The following THAP12 variants were observed in gnomAD, a reference collection of about 807,000 sequenced individuals.
THAP12 encodes THAP domain containing 12.
THAP12 carries 20 observed loss-of-function variants against 63.0 expected under a neutral mutation model. The ratio of observed to expected loss-of-function variants is 0.32; its 90% CI spans 0.22 to 0.46. The LOEUF (loss-of-function observed/expected upper bound fraction) is 0.46. Ranked by LOEUF, THAP12 falls within the 20% of genes least tolerant of loss-of-function variation. The pLI, the probability that THAP12 is intolerant of heterozygous loss-of-function variation, is 1.00. For synonymous variants in THAP12, 264 were observed against 328.4 expected (o/e 0.80, Z 2.12); for missense variants, 568 against 908.2 (o/e 0.63, Z 4.81).
rs1946754094 is a variant in THAP12 at position 76,380,916 on chromosome 11, G to A, written c.-80C>T. Reference sequence around the variant, plus strand: ...TCCGCCCGCCCGTCGGGGCCGGGGAGGGGAGCCAGGCCGGCCGGCCGGCTC... The same window carrying A: ...TCCGCCCGCCCGTCGGGGCCGGGGAAGGGAGCCAGGCCGGCCGGCCGGCTC... On this transcript the variant is annotated 5_prime_UTR_variant, in exon 1 of 5. Transcript: ENST00000260045. 4 of 941,078 alleles carry A rather than the reference G, an allele frequency of 4.3e-6. No homozygotes were observed. Among genetic ancestry groups the A allele is most frequent in the South Asian group, 4.9e-5 (1 of 20,464 alleles). 58.3% of individuals were successfully genotyped at this position (941,078 alleles called of 1,614,324 possible).
chr11:76,363,371 T>TC (rs1946610737), intron 2 of THAP12, among the ~76,000 whole-genome samples: 1 of 148,838 alleles, frequency 6.7e-6, no homozygotes, highest in Non-Finnish European at 1.5e-5. Context: ...GATGAAATCT[T>TC]TTTTTTTTTG....
intron 1 of THAP12, 29 bp downstream of exon 1, chr11:76,380,718 CG>C (rs752234632): frequency 7.2e-7 from 1 of 1,383,010 alleles, no homozygotes; most frequent in South Asian, 1.6e-5. Flanking sequence ...AAGGTGGGCC[CG>C]GGCCGCCCGC....
chr11:76,352,167 T>C lies in THAP12; in HGVS notation c.983A>G (p.Gln328Arg). The change falls in exon 5 of 5, where the codon CAG becomes CGG. Residue 328 changes from glutamine (Q) to arginine (R), a missense_variant. Physicochemically the swap from Gln to Arg is conservative, Grantham distance 43. Coordinates refer to ENST00000260045, the MANE Select transcript of THAP12 (RefSeq NM_004705.4). Reference protein sequence around the residue: ...WGLNMEYCRGQAYIVSSGFSS... With the variant: ...WGLNMEYCRGRAYIVSSGFSS... ...AAATCCACTAGAGACAATGTAAGCC[T>C]GGCCACGACAATACTCCATATTTAA... is the stretch of plus-strand genomic sequence containing the variant. 6.2e-7 allele frequency: 1 copy of C among 1,610,986 alleles called. No individual in the cohort carries two copies. Among genetic ancestry groups the C allele is most frequent in the Non-Finnish European group, 8.5e-7 (1 of 1,179,230 alleles).
rs375942005 is a variant in THAP12, at chr11:76,351,372, A to G, written c.1778T>C (p.Ile593Thr). The change falls in exon 5 of 5, where the codon ATA (isoleucine) becomes ACA (threonine). Residue 593 changes from isoleucine to threonine, a missense_variant. Physicochemically the swap from Ile to Thr is moderately conservative, Grantham distance 89. Coordinates refer to ENST00000260045, the MANE Select transcript of THAP12 (RefSeq NM_004705.4). ...VEHIIQELKD[I>T]FSEQHLKALK... ...AGCTTTGAGGTGCTGTTCTGAGAAT[A>G]TATCTTTAAGTTCCTGAATAATGTG... 1.3e-5 allele frequency: 21 copies of G among 1,601,214 alleles called. No individual in the cohort carries two copies. The highest frequency in any genetic ancestry group is 1.8e-5 in the Non-Finnish European group (21 of 1,170,636).
Position 76,351,199 on chromosome 11 carries a change from G to A in THAP12, c.1951C>T (p.His651Tyr). The A allele has an allele frequency of 9.0e-6, 14 of 1,559,688 alleles. No homozygotes were observed. The highest frequency in any genetic ancestry group is 1.1e-5 in the Non-Finnish European group (13 of 1,154,078). ...ELHCWRIKWK[H>Y]RGKDIELPST... Reference sequence around the variant, plus strand: ...GGAAGCTCTATATCTTTCCCCCTGTGTTTCCATTTGATTCTCCAACAATGA... The same window carrying A: ...GGAAGCTCTATATCTTTCCCCCTGTATTTCCATTTGATTCTCCAACAATGA... Residue 651 changes from histidine (H) to tyrosine (Y), a missense_variant, in exon 5 of 5, where the codon CAC becomes TAC. Coordinates refer to ENST00000260045, the MANE Select transcript of THAP12 (RefSeq NM_004705.4).
chr11:76,369,581 T>C (rs1022525169), intron 1 of THAP12, among the ~76,000 whole-genome samples: 4 of 152,380 alleles, frequency 2.6e-5, no homozygotes, highest in East Asian at 1.9e-4. Flanking sequence ...AATAAAATTT[T>C]TCCTAACTGA....
At chr11:76,375,007 C>T (rs2134516578) in intron 1 of THAP12, among the ~76,000 whole-genome samples, 1 of 152,320 alleles carries the variant, frequency 6.6e-6, no homozygotes, top group East Asian at 1.9e-4. Flanking sequence ...GACTTCCCAG[C>T]TTCCAGAACT....
At chr11:76,374,652 G>C (rs1392074070) in intron 1 of THAP12, among the ~76,000 whole-genome samples, 1 of 152,180 alleles carries the variant, frequency 6.6e-6, no homozygotes, top group Non-Finnish European at 1.5e-5. Context: ...ATGCCATCAT[G>C]TTATGTAGCA....
chr11:76,372,420 G>A (rs79296413), intron 1 of THAP12, among the ~76,000 whole-genome samples: 5 of 61,110 alleles, frequency 8.2e-5, no homozygotes, highest in Admixed American at 1.6e-4. Context: ...AAAAAAAAAA[G>A]AGAGAGAGAG....
At chr11:76,360,427 A>T (rs891083403) in intron 3 of THAP12, among the ~76,000 whole-genome samples, 4 of 152,268 alleles carry the variant, frequency 2.6e-5, no homozygotes, top group African/African-American at 9.6e-5. Context: ...AACAAAATAC[A>T]GATAGGTGTC....
chr11:76,355,691 T>C (rs1348839572), intron 3 of THAP12, 37 bp from the exon 4 acceptor site: 2 of 1,541,442 alleles, frequency 1.3e-6, no homozygotes, highest in Admixed American at 2.0e-5. Flanking sequence ...AAACAAATCA[T>C]CTTTAAAAAA....
intron 1 of THAP12, among the ~76,000 whole-genome samples, chr11:76,379,251 CCT>C (rs369050020): frequency 5.3e-5 from 8 of 152,188 alleles, no homozygotes; most frequent in African/African-American, 1.9e-4. Flanking sequence ...ACCATCTCCT[CCT>C]CTATTAATCT....
intron 3 of THAP12, chr11:76,359,503 G>C (rs1223691363): frequency 6.6e-6 from 1 of 152,124 alleles, no homozygotes; most frequent in Admixed American, 6.5e-5. Flanking sequence ...AATCCCAAAA[G>C]AAGTTCTAGG....
chr11:76,380,675 G>A, intron 1 of THAP12, 73 bp downstream of exon 1: 2 of 1,193,446 alleles, frequency 1.7e-6, no homozygotes, highest in South Asian at 2.5e-5. Context: ...CCGGGAGCCC[G>A]CCAGGGGCCG....
chr11:76,372,545 G>A (rs1946682004), intron 1 of THAP12, among the ~76,000 whole-genome samples: 2 of 150,170 alleles, frequency 1.3e-5, no homozygotes, highest in African/African-American at 4.9e-5. Context: ...AAAGTGCTGG[G>A]ATTACAGGCC....
chr11:76,361,242 C>A, intron 2 of THAP12, 179 bp from the exon 3 acceptor site: 1 of 486,096 alleles, frequency 2.1e-6, no homozygotes, highest in Non-Finnish European at 3.6e-6. Context: ...CCTGCATTTG[C>A]CCTTCTGGCA....
intron 2 of THAP12, 70 bp from the exon 3 acceptor site, chr11:76,361,133 G>T: frequency 1.0e-6 from 1 of 959,916 alleles, no homozygotes; most frequent in Non-Finnish European, 1.6e-6. Context: ...AAAATTCTAT[G>T]TTAATGACCT....
chr11:76,351,792 C>G lies in THAP12; in HGVS notation c.1358G>C (p.Ser453Thr). Reference protein sequence around the residue: ...ALVLCLDGINSDTNIRWNNYI... With the variant: ...ALVLCLDGINTDTNIRWNNYI... The stretch of plus-strand genomic sequence containing the variant: ...GTTATTCCATCTAATATTTGTGTCA[C>G]TATTTATACCATCTAAACATAAAAC... The change falls in exon 5 of 5, where the codon AGT becomes ACT. Residue 453 changes from serine to threonine, a missense_variant. Physicochemically the swap from Ser to Thr is moderately conservative, Grantham distance 58 (BLOSUM62 1). Transcript: ENST00000260045. 1.2e-6 allele frequency: 2 copies of G among 1,612,638 alleles called. No individual in the cohort carries two copies. The highest frequency in any genetic ancestry group is 2.2e-5 in the East Asian group (1 of 44,858).
intron 1 of THAP12, 52 bp from the exon 2 acceptor site, chr11:76,366,024 T>G: frequency 6.3e-7 from 1 of 1,586,922 alleles, no homozygotes. Context: ...CATTTAAATT[T>G]CAGCCTTCAG....
Sources: allele counts gnomAD v4.1 joint callset (sites outside exome capture counted in the v4.1 genomes callset), GRCh38; gene constraint gnomAD v4.1.1; transcripts MANE v1.5; gene names NCBI Gene and HGNC (gene_info 2026-07-23, HGNC 2026-07-21).